The following LRP1B variants were observed in gnomAD, a reference collection of about 807,000 sequenced individuals.
The protein encoded by LRP1B is low-density lipoprotein receptor-related protein 1B.
Under a neutral mutation model 556.6 loss-of-function variants are expected in LRP1B, and 217 were observed. The ratio of observed to expected loss-of-function variants is 0.39; its 90% CI spans 0.35 to 0.44. The LOEUF is 0.44. Among genes scored for constraint, LRP1B ranks in the 20% least tolerant of loss-of-function variants. LRP1B has a pLI of 1.00. For synonymous variants in LRP1B, 2,047 were observed against 1,865.8 expected (o/e 1.10, Z -2.50); for missense variants, 5,053 against 5,620.8 (o/e 0.90, Z 3.23).
At chr2:141,016,068 G>A (rs750890796) in intron 12 of LRP1B, among the ~76,000 whole-genome samples, 153 bp from the exon 13 acceptor site, 188 of 152,222 alleles carry the variant, frequency 1.2e-3, no homozygotes, top group Non-Finnish European at 2.1e-3. Flanking sequence ...GGGGGGAGCT[G>A]TGAAGTTTTA....
At chr2:140,590,122 T>C (rs1447790709) in intron 43 of LRP1B, among the ~76,000 whole-genome samples, 2 of 151,824 alleles carry the variant, frequency 1.3e-5, no homozygotes, top group East Asian at 1.9e-4. Context: ...GCATATGTCG[T>C]CCTTCACTCA....
chr2:141,996,713 TC>T (rs563245926), intron 1 of LRP1B, among the ~76,000 whole-genome samples: 13 of 145,736 alleles, frequency 8.9e-5, no homozygotes, highest in African/African-American at 1.8e-4. Flanking sequence ...ATTTTTTCTT[TC>T]CCCCCCCCTA....
intron 25 of LRP1B, among the ~76,000 whole-genome samples, chr2:140,874,990 C>T (rs576299073): frequency 3.4e-4 from 51 of 151,554 alleles, no homozygotes; most frequent in African/African-American, 1.1e-3. Flanking sequence ...TGCCCTATAC[C>T]CTGTGCAACA....
chr2:140,580,082 G>C (rs932734243), intron 43 of LRP1B, among the ~76,000 whole-genome samples: 2 of 152,046 alleles, frequency 1.3e-5, no homozygotes, highest in African/African-American at 4.8e-5. Context: ...TCTAGATGTG[G>C]GAAACTAATG....
chr2:141,038,341 A>G (rs1268702044), intron 11 of LRP1B, among the ~76,000 whole-genome samples: 2 of 151,578 alleles, frequency 1.3e-5, no homozygotes, highest in African/African-American at 4.8e-5. Flanking sequence ...TAATGACCAA[A>G]TTGAGATTTC....
rs368477527 is a variant in LRP1B at position 140,332,346 on chromosome 2, CTG to C, written c.12223+2105_12223+2106del. Among the ~76,000 whole-genome samples, 86 of 152,036 alleles carry C rather than the reference CTG, an allele frequency of 5.7e-4. 1 individual carries two copies. The East Asian group carries it at 0.014, about 25-fold the overall frequency. On this transcript the variant is annotated intron_variant, in intron 79 of 90. Transcript: ENST00000389484. Reference sequence around the variant, plus strand: ...TAACGTAAATTTGTGAGAAAAAGGACTGTGTTTTGTTTATCACTAAGTTGCCC... The same window carrying C: ...TAACGTAAATTTGTGAGAAAAAGGACTGTTTTGTTTATCACTAAGTTGCCC...
chr2:140,431,139 C>A (rs1365013440), intron 66 of LRP1B, among the ~76,000 whole-genome samples: 2 of 152,096 alleles, frequency 1.3e-5, no homozygotes, highest in Non-Finnish European at 2.9e-5. Flanking sequence ...AGCATTTTTT[C>A]AGGCTTTTAG....
chr2:140,605,358 G>A (rs1396152010), intron 41 of LRP1B, among the ~76,000 whole-genome samples: 1 of 152,020 alleles, frequency 6.6e-6, no homozygotes, highest in East Asian at 1.9e-4. Context: ...AAGTTTCCAA[G>A]GATACAGGTC....
chr2:141,865,122 A>G (rs1698363974), intron 1 of LRP1B, among the ~76,000 whole-genome samples: 2 of 152,266 alleles, frequency 1.3e-5, no homozygotes, highest in East Asian at 3.9e-4. Context: ...TAGCAAAAGA[A>G]GCAATATTTA....
intron 27 of LRP1B, among the ~76,000 whole-genome samples, chr2:140,859,741 T>A (rs1692731719): frequency 6.6e-6 from 1 of 152,106 alleles, no homozygotes; most frequent in Admixed American, 6.5e-5. Context: ...CCGACTGTAA[T>A]CCTAGCACTT....
chr2:140,257,666 TTCTCGGACTTTA>T (rs1259337898), intron 86 of LRP1B, among the ~76,000 whole-genome samples: 3 of 152,174 alleles, frequency 2.0e-5, no homozygotes, highest in Non-Finnish European at 4.4e-5. Flanking sequence ...GTGACAGTTT[TTCTCGGACTTTA>T]CTGCTCCAAA....
intron 77 of LRP1B, among the ~76,000 whole-genome samples, chr2:140,337,092 C>G (rs1197339852): frequency 6.6e-6 from 1 of 151,746 alleles, no homozygotes; most frequent in Admixed American, 6.6e-5. Flanking sequence ...AGAAAAGAAA[C>G]TGAACATCTC....
rs187919999 is a variant in LRP1B at position 141,818,978 on chromosome 2, C to T, written c.83-8577G>A. On this transcript the variant is annotated intron_variant, in intron 1 of 90. Transcript: ENST00000389484. ...CTTTCTGGCCAGGTGCGGTGGCTCA[C>T]GCCTGTAATCCCAGCACTTTGGGAG... 2.9e-3 allele frequency among the ~76,000 whole-genome samples: 436 copies of T among 151,788 alleles called. 3 individuals are homozygous for T. The highest frequency in any genetic ancestry group is 1.0e-2 in the African/African-American group (414 of 41,428).
chr2:141,641,196 A>ACAGTGGGC (rs3039272), intron 2 of LRP1B, among the ~76,000 whole-genome samples: 1 of 151,784 alleles, frequency 6.6e-6, no homozygotes, highest in Non-Finnish European at 1.5e-5. Context: ...ATAGCTGGGT[A>ACAGTGGGC]GCTCAGTTGG....
chr2:142,019,376 C>T (rs1703257110), intron 1 of LRP1B, among the ~76,000 whole-genome samples: 1 of 152,126 alleles, frequency 6.6e-6, no homozygotes, highest in East Asian at 1.9e-4. Context: ...TTCTTTGACT[C>T]CTCCTTTTCT....
intron 7 of LRP1B, among the ~76,000 whole-genome samples, chr2:141,115,460 T>TTTG (rs1553461947): frequency 1.4e-5 from 2 of 143,710 alleles, no homozygotes; most frequent in East Asian, 2.0e-4. Context: ...TTGTTTTTGT[T>TTTG]TTTTTTTTTT....
chr2:141,676,246 G>A (rs774633356), intron 2 of LRP1B, among the ~76,000 whole-genome samples: 14 of 151,942 alleles, frequency 9.2e-5, no homozygotes, highest in African/African-American at 2.9e-4. Context: ...ATTCATGTTT[G>A]TATCCCCAGT....
chr2:140,686,016 G>A (rs1686036465), intron 41 of LRP1B, among the ~76,000 whole-genome samples: 2 of 152,102 alleles, frequency 1.3e-5, no homozygotes, highest in African/African-American at 4.8e-5. Flanking sequence ...GGTGTGAAGG[G>A]ATTTGAACTA....
At chr2:140,512,544 A>C (rs564945355) in intron 51 of LRP1B, among the ~76,000 whole-genome samples, 143 of 152,256 alleles carry the variant, frequency 9.4e-4, no homozygotes, top group African/African-American at 3.2e-3. Flanking sequence ...TTGGAACCTG[A>C]ATTCTGCTCA....
Sources: allele counts gnomAD v4.1 joint callset (sites outside exome capture counted in the v4.1 genomes callset), GRCh38; gene constraint gnomAD v4.1.1; transcripts MANE v1.5; gene names NCBI Gene and HGNC (gene_info 2026-07-23, HGNC 2026-07-21).